SYNE3: variants seen among roughly 807,000 people sequenced by gnomAD.
SYNE3 encodes spectrin repeat containing nuclear envelope family member 3.
In SYNE3, 100 loss-of-function variants were observed where a neutral mutation model predicts 111.2. The ratio of observed to expected loss-of-function variants is 0.90; its 90% CI spans 0.77 to 1.06. The LOEUF (loss-of-function observed/expected upper bound fraction) is 1.06, where lower values mean the gene tolerates loss of function less well. Among genes scored for constraint, SYNE3 ranks in the 50% least tolerant of loss-of-function variants. The pLI is 0.00. For synonymous variants in SYNE3, 547 were observed against 533.9 expected (o/e 1.02, Z -0.34); for missense variants, 1,160 against 1,240.3 (o/e 0.94, Z 0.97).
At position 95,415,676 on chromosome 14, in the gene SYNE3, C is replaced by T. The variant is rs1455466222; in HGVS notation, c.*2150G>A. On this transcript the variant is annotated 3_prime_UTR_variant, in exon 18 of 18. Coordinates refer to ENST00000682763, the MANE Select transcript of SYNE3 (RefSeq NM_152592.6). ...TTGGAGGAGCATAATTATAAGCCTACAGCTTATCATAAAGCTATTCAAAAA... is the reference window on the plus strand; with the variant it reads ...TTGGAGGAGCATAATTATAAGCCTATAGCTTATCATAAAGCTATTCAAAAA... 3 of 137,568 alleles carry T rather than the reference C, an allele frequency of 2.2e-5. No individual in the cohort carries two copies. Among genetic ancestry groups the T allele is most frequent in the Admixed American group, 1.5e-4 (2 of 12,926 alleles). 8.5% of individuals were successfully genotyped at this position (137,568 alleles called of 1,614,324 possible). A position where few individuals can be genotyped will look rare whatever the true frequency, so the allele number is the denominator to read the frequency against.
intron 1 of SYNE3, among the ~76,000 whole-genome samples, chr14:95,487,737 C>A (rs1480784388): frequency 6.6e-6 from 1 of 152,192 alleles, no homozygotes; most frequent in African/African-American, 2.4e-5. Context: ...CACCACTGAT[C>A]TGCTGACTGT....
chr14:95,476,826 AC>A (rs2139515838), intron 1 of SYNE3, among the ~76,000 whole-genome samples: 1 of 152,392 alleles, frequency 6.6e-6, no homozygotes, highest in South Asian at 2.1e-4. Flanking sequence ...AAAGTTTAAC[AC>A]ATCAAAAAAC....
chr14:95,436,755 C>A, intron 15 of SYNE3, 65 bp downstream of exon 15: 1 of 1,571,212 alleles, frequency 6.4e-7, no homozygotes, highest in South Asian at 1.1e-5. Flanking sequence ...TGAAGAACTC[C>A]CTGGTGGCAA....
chr14:95,439,848 G>C (rs1353349020), intron 12 of SYNE3, 64 bp from the exon 13 acceptor site: 1 of 1,591,074 alleles, frequency 6.3e-7, no homozygotes, highest in Non-Finnish European at 8.6e-7. Flanking sequence ...TCTGCTCCTT[G>C]GTGTGGGAAC....
chr14:95,499,031 T>C (rs1415693052), intron 1 of SYNE3, among the ~76,000 whole-genome samples: 1 of 152,222 alleles, frequency 6.6e-6, no homozygotes, highest in Admixed American at 6.5e-5. Context: ...TCATTTCAAA[T>C]GGGAGTTCTT....
chr14:95,481,448 G>A (rs977777494), intron 1 of SYNE3, among the ~76,000 whole-genome samples: 7 of 152,152 alleles, frequency 4.6e-5, no homozygotes, highest in South Asian at 4.1e-4. Flanking sequence ...CAACCCCTAC[G>A]CTAGAGAGAC....
intron 1 of SYNE3, among the ~76,000 whole-genome samples, chr14:95,480,129 T>TA (rs1488827403): frequency 1.3e-5 from 2 of 151,924 alleles, no homozygotes; most frequent in African/African-American, 2.4e-5. Context: ...TGCTCAGGGG[T>TA]AAAAAGAAGC....
chr14:95,436,696 C>CTA, intron 15 of SYNE3, 124 bp downstream of exon 15: 2 of 1,160,104 alleles, frequency 1.7e-6, no homozygotes, highest in Non-Finnish European at 2.4e-6. Context: ...AAGCGATTAT[C>CTA]TATACACAAG....
intron 17 of SYNE3, among the ~76,000 whole-genome samples, chr14:95,421,990 A>G (rs1198044535): frequency 6.6e-6 from 1 of 152,130 alleles, no homozygotes; most frequent in Non-Finnish European, 1.5e-5. Context: ...TTTCTTCTGG[A>G]TCACTGATTA....
intron 6 of SYNE3, among the ~76,000 whole-genome samples, chr14:95,454,371 C>T (rs1887281450): frequency 6.6e-6 from 1 of 152,260 alleles, no homozygotes; most frequent in Non-Finnish European, 1.5e-5. Context: ...AGTCTCCTAG[C>T]CTCTCAGTGC....
At chr14:95,510,205 A>C (rs912627505) in intron 1 of SYNE3, among the ~76,000 whole-genome samples, 3 of 152,138 alleles carry the variant, frequency 2.0e-5, no homozygotes, top group African/African-American at 7.2e-5. Context: ...CCCCATGGGG[A>C]GGTATCACCA....
intron 10 of SYNE3, chr14:95,444,194 T>C: frequency 2.2e-6 from 1 of 449,188 alleles, no homozygotes; most frequent in South Asian, 6.5e-5. Flanking sequence ...TTAAGAATAC[T>C]TAGCAAAGCA....
chr14:95,510,269 T>C (rs1414808073), intron 1 of SYNE3, among the ~76,000 whole-genome samples: 2 of 152,028 alleles, frequency 1.3e-5, no homozygotes, highest in Non-Finnish European at 2.9e-5. Context: ...GACCAGGAAA[T>C]GGATTCACAG....
intron 17 of SYNE3, among the ~76,000 whole-genome samples, chr14:95,419,879 A>C (rs111832234): frequency 3.3e-5 from 4 of 122,312 alleles, no homozygotes; most frequent in Admixed American, 7.8e-5. Flanking sequence ...GGTGATGGTG[A>C]TGATGATGAT....
chr14:95,475,950 T>C, intron 1 of SYNE3, 115 bp from the exon 2 acceptor site: 1 of 1,105,512 alleles, frequency 9.0e-7, no homozygotes, highest in South Asian at 2.6e-5. Flanking sequence ...CCCCTGGTGC[T>C]CCCAGTTGGG....
chr14:95,434,070 G>A (rs1885946630), intron 15 of SYNE3, among the ~76,000 whole-genome samples: 1 of 152,042 alleles, frequency 6.6e-6, no homozygotes, highest in Admixed American at 6.6e-5. Flanking sequence ...GCTGGAGTTG[G>A]GTGGTGGTGC....
In SYNE3 at chr14:95,436,937, G is replaced by A; in HGVS notation, c.2421C>T (p.Ser807=). ...QEEEGSHEDF[S]QLLRNFGQWL... is the part of the protein sequence containing the mutation. The stretch of plus-strand genomic sequence containing the variant: ...ACTGCCCAAAGTTCCTCAGGAGCTG[G>A]GAGAAATCTTCATGGCTCCCTTCTT... Residue 807 remains serine (S), a synonymous_variant, in exon 15 of 18, where the codon TCC becomes TCT. Coordinates refer to ENST00000682763, the MANE Select transcript of SYNE3 (RefSeq NM_152592.6). 1 of 1,613,902 alleles carries A rather than the reference G, an allele frequency of 6.2e-7. No individual in the cohort carries two copies. The highest frequency in any genetic ancestry group is 8.5e-7 in the Non-Finnish European group (1 of 1,179,996).
At chr14:95,504,843 GAAAA>G (rs970277698) in intron 1 of SYNE3, among the ~76,000 whole-genome samples, 41 of 152,060 alleles carry the variant, frequency 2.7e-4, no homozygotes, top group African/African-American at 8.0e-4. Flanking sequence ...AAAGAAAAAA[GAAAA>G]AAGACAATAG....
At chr14:95,423,281 C>T (rs1189421120) in intron 17 of SYNE3, among the ~76,000 whole-genome samples, 2 of 152,150 alleles carry the variant, frequency 1.3e-5, no homozygotes, top group African/African-American at 2.4e-5. Flanking sequence ...CAAGCAAGGA[C>T]GGAGCCTCAT....
Sources: allele counts gnomAD v4.1 joint callset (sites outside exome capture counted in the v4.1 genomes callset), GRCh38; gene constraint gnomAD v4.1.1; transcripts MANE v1.5; gene names NCBI Gene and HGNC (gene_info 2026-07-23, HGNC 2026-07-21).